GABRG3: variants seen among roughly 807,000 people sequenced by gnomAD.
GABRG3 encodes gamma-aminobutyric acid type A receptor subunit gamma3.
Under a neutral mutation model 48.8 loss-of-function variants are expected in GABRG3, and 25 were observed. The ratio of observed to expected loss-of-function variants is 0.51; its 90% CI spans 0.37 to 0.72. The LOEUF is 0.72. Ranked by LOEUF, GABRG3 falls within the 30% of genes least tolerant of loss-of-function variation. The pLI is 0.00. For synonymous variants in GABRG3, 227 were observed against 217.6 expected, an observed-to-expected ratio of 1.04 and a Z score of -0.38; for missense variants, 394 against 577.9, an observed-to-expected ratio of 0.68 and a Z score of 3.26.
At chr15:27,401,257 T>C (rs1041003749) in intron 5 of GABRG3, among the ~76,000 whole-genome samples, 1 of 152,174 alleles carries the variant, frequency 6.6e-6, no homozygotes, top group Non-Finnish European at 1.5e-5. Context: ...ATTGGAAAAG[T>C]GTATTAGTAG....
At chr15:27,195,175 A>C (rs541944781) in intron 3 of GABRG3, among the ~76,000 whole-genome samples, 1 of 152,330 alleles carries the variant, frequency 6.6e-6, no homozygotes, top group South Asian at 2.1e-4. Context: ...AAGCATTTTT[A>C]TGACAACTGC....
intron 3 of GABRG3, among the ~76,000 whole-genome samples, chr15:27,303,633 C>G (rs1039606919): frequency 2.6e-5 from 4 of 151,572 alleles, no homozygotes; most frequent in Middle Eastern, 3.4e-3. Flanking sequence ...AGGCTGGCAT[C>G]AACCTGACAC....
intron 2 of GABRG3, among the ~76,000 whole-genome samples, chr15:27,007,669 G>C (rs1338924391): frequency 6.6e-6 from 1 of 152,128 alleles, no homozygotes. Context: ...AATGACCAGT[G>C]ATGTTGAGCA....
At chr15:27,492,109 T>C (rs1566865464) in intron 6 of GABRG3, among the ~76,000 whole-genome samples, 1 of 152,120 alleles carries the variant, frequency 6.6e-6, no homozygotes, top group African/African-American at 2.4e-5. Context: ...TGCACGGCAT[T>C]GTGATTAGCC....
chr15:27,423,830 G>A (rs1888208456), intron 5 of GABRG3, among the ~76,000 whole-genome samples: 1 of 134,232 alleles, frequency 7.4e-6, no homozygotes, highest in Non-Finnish European at 1.5e-5. Flanking sequence ...GTCCCCCAAA[G>A]TACTGAAATT....
chr15:27,249,379 G>A (rs913637277), intron 3 of GABRG3, among the ~76,000 whole-genome samples: 3 of 152,140 alleles, frequency 2.0e-5, no homozygotes, highest in Non-Finnish European at 4.4e-5. Context: ...CTTCCAGGTC[G>A]GGGGCCCCCA....
At chr15:27,350,418 C>G (rs528247405) in intron 5 of GABRG3, 4 of 321,756 alleles carry the variant, frequency 1.2e-5, no homozygotes, top group South Asian at 7.8e-5. Context: ...CCAATTGTTT[C>G]TTTGTTTTTT....
chr15:27,492,532 T>C (rs528710718), intron 6 of GABRG3, among the ~76,000 whole-genome samples: 1 of 152,334 alleles, frequency 6.6e-6, no homozygotes, highest in South Asian at 2.1e-4. Flanking sequence ...TCCCAGCCTC[T>C]GGCTAGCACA....
At chr15:27,109,996 A>G (rs1897517674) in intron 3 of GABRG3, among the ~76,000 whole-genome samples, 1 of 152,100 alleles carries the variant, frequency 6.6e-6, no homozygotes, top group Non-Finnish European at 1.5e-5. Flanking sequence ...CTGTCTATTA[A>G]TTGGTGTGTT....
intron 9 of GABRG3, 123 bp from the exon 10 acceptor site, chr15:27,532,477 G>GGGGATGGA: frequency 1.1e-6 from 1 of 871,158 alleles, no homozygotes; most frequent in Non-Finnish European, 1.7e-6. Context: ...GGGGGGAAGG[G>GGGGATGGA]CACACCCACG....
intron 3 of GABRG3, among the ~76,000 whole-genome samples, chr15:27,306,319 TG>T (rs1255468131): frequency 7.6e-6 from 1 of 131,764 alleles, no homozygotes; most frequent in Non-Finnish European, 1.5e-5. Flanking sequence ...AATATAAACA[TG>T]TCTATATATA....
intron 3 of GABRG3, among the ~76,000 whole-genome samples, chr15:27,272,729 A>C (rs1891130111): frequency 6.6e-6 from 1 of 152,212 alleles, no homozygotes; most frequent in Admixed American, 6.5e-5. Context: ...GTGCTTCAAA[A>C]AGGCATTGCT....
intron 3 of GABRG3, among the ~76,000 whole-genome samples, chr15:27,322,338 A>G (rs1161469617): frequency 6.6e-6 from 1 of 152,148 alleles, no homozygotes; most frequent in Non-Finnish European, 1.5e-5. Context: ...GCTACAGGGA[A>G]AGAGTACGAT....
intron 6 of GABRG3, among the ~76,000 whole-genome samples, chr15:27,496,632 G>T (rs1445989635): frequency 6.6e-6 from 1 of 152,140 alleles, no homozygotes; most frequent in East Asian, 1.9e-4. Context: ...AGGTTTATTA[G>T]TTTTATTTAA....
In GABRG3 at chr15:27,348,155, C is replaced by CAAAAAAAAAAAAAAAAAAAAAA. The variant is rs535295684; in HGVS notation, c.574+19270_574+19271insAAAAAAAAAAAAAAAAAAAAAA. On this transcript the variant is annotated intron_variant, in intron 5 of 9. Transcript: ENST00000615808. ...TGGGTGACAGAGCGAGACTCCATCT[C>CAAAAAAAAAAAAAAAAAAAAAA]AAATAAATAAAGAGTTGGAGATTTT... is the stretch of plus-strand genomic sequence containing the variant. 5.4e-4 allele frequency among the ~76,000 whole-genome samples: 56 copies of CAAAAAAAAAAAAAAAAAAAAAA among 102,940 alleles called. 10 individuals are homozygous for CAAAAAAAAAAAAAAAAAAAAAA. The highest frequency in any genetic ancestry group is 2.2e-3 in the African/African-American group (49 of 21,926). The allele number at this position is 102,940 out of a possible 152,430, so 67.5% of individuals were successfully genotyped here.
At chr15:27,309,948 C>T (rs920674138) in intron 3 of GABRG3, among the ~76,000 whole-genome samples, 2 of 151,984 alleles carry the variant, frequency 1.3e-5, no homozygotes, top group African/African-American at 2.4e-5. Flanking sequence ...GATAAACAAA[C>T]GGTGACACAT....
chr15:27,514,495 A>G (rs1890972877), intron 6 of GABRG3, among the ~76,000 whole-genome samples: 1 of 152,200 alleles, frequency 6.6e-6, no homozygotes, highest in African/African-American at 2.4e-5. Flanking sequence ...TTCTTTTAAC[A>G]TCTTTCACCT....
At chr15:27,193,380 A>G (rs1888392029) in intron 3 of GABRG3, among the ~76,000 whole-genome samples, 3 of 151,966 alleles carry the variant, frequency 2.0e-5, no homozygotes, top group South Asian at 4.2e-4. Context: ...ACCCAGTTCT[A>G]GCTTCCCGGC....
chr15:27,117,018 C>A (rs141789963), intron 3 of GABRG3, among the ~76,000 whole-genome samples: 1 of 152,252 alleles, frequency 6.6e-6, no homozygotes, highest in Non-Finnish European at 1.5e-5. Flanking sequence ...AGAAAGACAC[C>A]ATTTAATCCT....
Sources: gnomAD v4.1 joint callset for allele counts (sites outside exome capture counted in the v4.1 genomes callset) on GRCh38, gnomAD v4.1.1 for gene constraint, MANE v1.5 for transcripts, NCBI Gene and HGNC (gene_info 2026-07-23, HGNC 2026-07-21) for gene names.